Variants in FREM2 observed in about 807,000 individuals in gnomAD.
FREM2 encodes the protein FRAS1-related extracellular matrix protein 2.
FREM2 carries 119 observed loss-of-function variants against 219.9 expected under a neutral mutation model. The ratio of observed to expected loss-of-function variants is 0.54; its 90% CI spans 0.47 to 0.63. FREM2 has a LOEUF of 0.63. FREM2 is among the 30% of genes least tolerant of loss of function. The pLI is 0.00. For missense variants in FREM2, 4,030 were observed against 3,993.6 expected (o/e 1.01, Z -0.25); for synonymous variants, 1,562 against 1,522.8 (o/e 1.03, Z -0.60).
chr13:38,721,802 T>C (rs1264074548), intron 2 of FREM2, among the ~76,000 whole-genome samples: 7 of 152,206 alleles, frequency 4.6e-5, no homozygotes, highest in African/African-American at 1.7e-4. Flanking sequence ...CATTAACTCT[T>C]GATAGTACTA....
At position 38,718,177 on chromosome 13, in the gene FREM2, T is replaced by A. The variant is rs529007718; in HGVS notation, c.5263+20390T>A. On this transcript the variant is annotated intron_variant, in intron 2 of 23. Transcript: ENST00000280481. ...TAGATCAAAGAATATAGATCTACAGTTGTTTTTAATGATTGCTTTGTATTC... is the reference window on the plus strand; with the variant it reads ...TAGATCAAAGAATATAGATCTACAGATGTTTTTAATGATTGCTTTGTATTC... 2.6e-5 allele frequency among the ~76,000 whole-genome samples: 4 copies of A among 152,356 alleles called. No individual in the cohort carries two copies. In the East Asian group the frequency reaches 7.7e-4, roughly 29 times the overall value.
intron 6 of FREM2, among the ~76,000 whole-genome samples, chr13:38,829,186 T>G (rs1451712235): frequency 1.3e-5 from 2 of 152,068 alleles, no homozygotes; most frequent in African/African-American, 4.8e-5. Context: ...AGTGATTCAG[T>G]AAGGGGTAGA....
chr13:38,886,385 T>TAG lies in FREM2; in HGVS notation c.*5610_*5611dup, dbSNP rs5802960. ...ACATATATGTACATACATATATATA[T>TAG]AGAGAGAGAGAGATAGATTTTTTTT... On this transcript the variant is annotated 3_prime_UTR_variant, in exon 24 of 24. Coordinates refer to ENST00000280481, the MANE Select transcript of FREM2 (RefSeq NM_207361.6). The TAG allele has an allele frequency of 0.11, 15,902 of 149,982 alleles. 1,114 individuals carry two copies. Among genetic ancestry groups the TAG allele is most frequent in the East Asian group, 0.21 (1,077 of 5,078 alleles). The allele number at this position is 149,982 out of a possible 1,614,324, so 9.3% of individuals were successfully genotyped here.
In FREM2 at chr13:38,876,373, A is replaced by C. The variant is rs752197411; in HGVS notation, c.8535A>C (p.Arg2845=). 6.2e-7 allele frequency: 1 copy of C among 1,613,462 alleles called. No individual in the cohort carries two copies. Among genetic ancestry groups the C allele is most frequent in the East Asian group, 2.2e-5 (1 of 44,880 alleles). ...REPVTFDLDI[R]FQQVSDPVAA... ...CTGTCACCTTTGACCTTGACATCCG[A>C]TTCCAACAGGTGTGGCTTATAGAAT... The change falls in exon 20 of 24, where the codon CGA becomes CGC. Residue 2845 remains arginine, a synonymous_variant. Coordinates refer to ENST00000280481, the MANE Select transcript of FREM2 (RefSeq NM_207361.6).
In FREM2 at chr13:38,861,444, C is replaced by G. The variant is rs370338634; in HGVS notation, c.7533C>G (p.Pro2511=). The G allele has an allele frequency of 1.2e-6, 2 of 1,613,704 alleles. No individual in the cohort carries two copies. The highest frequency in any genetic ancestry group is 2.2e-5 in the South Asian group (2 of 91,056). Residue 2511 remains proline (P), a synonymous_variant, in exon 15 of 24, where the codon CCC becomes CCG. Coordinates refer to ENST00000280481, the MANE Select transcript of FREM2 (RefSeq NM_207361.6). ...TISREEGLCQ[P]RVPGVVGAEP... is the part of the protein sequence containing the mutation. ...TTTTTTTTCAAGGTCTTTGTCAGCC[C>G]CGTGTACCTGGGGTTGTTGGAGCAG...
chr13:38,687,720 C>T lies in FREM2; in HGVS notation c.376C>T (p.Arg126Cys), dbSNP rs1480479280. The T allele has an allele frequency of 1.3e-6, 2 of 1,554,480 alleles. No homozygotes were observed. Among genetic ancestry groups the T allele is most frequent in the Admixed American group, 1.8e-5 (1 of 54,372 alleles). ...AQRPGRLSPK[R>C]FPCDFGPGEV... ...GCGACCGGGCCGCCTGAGTCCCAAG[C>T]GCTTCCCGTGCGACTTTGGCCCTGG... is the stretch of plus-strand genomic sequence containing the variant. The change falls in exon 1 of 24, where the codon CGC (arginine) becomes TGC (cysteine). Residue 126 changes from arginine to cysteine, a missense_variant. By Grantham distance (180) the Arg-to-Cys change is radical. Around this residue, in one of 2 missense-constraint regions of FREM2, gnomAD observed 3,102 missense variants for 2,950.7 expected, o/e 1.05. Coordinates refer to ENST00000280481, the MANE Select transcript of FREM2 (RefSeq NM_207361.6).
intron 2 of FREM2, among the ~76,000 whole-genome samples, chr13:38,705,305 G>C (rs1477364567): frequency 1.3e-5 from 2 of 152,116 alleles, no homozygotes; most frequent in Non-Finnish European, 2.9e-5. Context: ...CATGATTCTG[G>C]GTTTTACAGC....
intron 6 of FREM2, among the ~76,000 whole-genome samples, chr13:38,808,147 CCT>C (rs1165604272): frequency 6.6e-6 from 1 of 151,926 alleles, no homozygotes; most frequent in Non-Finnish European, 1.5e-5. Flanking sequence ...CATGAAGGAA[CCT>C]CTGTTAGCTC....
chr13:38,828,345 T>G (rs971654224), intron 6 of FREM2, among the ~76,000 whole-genome samples: 3 of 152,044 alleles, frequency 2.0e-5, no homozygotes, highest in Non-Finnish European at 4.4e-5. Context: ...CTGAAAGTAC[T>G]CAATAAATAT....
In FREM2 at chr13:38,859,451, G is replaced by T; in HGVS notation, c.7380G>T (p.Thr2460=). Residue 2460 remains threonine, a synonymous_variant, in exon 14 of 24, where the codon ACG becomes ACT. Coordinates refer to ENST00000280481, the MANE Select transcript of FREM2 (RefSeq NM_207361.6). ...MREVDFDTFF[T]SSKMVTLDSI... is the part of the protein sequence containing the mutation. ...AAGTGGACTTCGACACCTTTTTTAC[G>T]TCATCCAAGATGGTCACACTGGACT... 1 of 1,614,038 alleles carries T rather than the reference G, an allele frequency of 6.2e-7. No individual in the cohort carries two copies. Among genetic ancestry groups the T allele is most frequent in the Non-Finnish European group, 8.5e-7 (1 of 1,180,018 alleles).
chr13:38,863,060 T>C (rs1877820700), intron 15 of FREM2, among the ~76,000 whole-genome samples: 1 of 152,142 alleles, frequency 6.6e-6, no homozygotes, highest in African/African-American at 2.4e-5. Flanking sequence ...TATAAAAATT[T>C]TTTTTTTGAG....
chr13:38,815,701 A>G (rs765005877), intron 6 of FREM2, among the ~76,000 whole-genome samples: 13 of 152,220 alleles, frequency 8.5e-5, no homozygotes, highest in Non-Finnish European at 1.8e-4. Flanking sequence ...TCAGTTTTTG[A>G]TGAGGGACTC....
Position 38,692,456 on chromosome 13 carries a change from T to G in FREM2, c.5112T>G (p.Pro1704=), listed in dbSNP as rs145894184. ...ISLRFIVTEA[P]QHGYLLNLDK... is the part of the protein sequence containing the mutation. The stretch of plus-strand genomic sequence containing the variant: ...TTAGATTTATCGTGACAGAGGCCCC[T>G]CAACATGGATATCTTCTCAACCTGG... The change falls in exon 1 of 24, where the codon CCT becomes CCG. Residue 1704 remains proline, a synonymous_variant. Coordinates refer to ENST00000280481, the MANE Select transcript of FREM2 (RefSeq NM_207361.6). The G allele has an allele frequency of 2.5e-5, 40 of 1,613,794 alleles. No homozygotes were observed. In the African/African-American group the frequency reaches 3.3e-4, roughly 13 times the overall value.
At chr13:38,706,106 C>G (rs923627666) in intron 2 of FREM2, among the ~76,000 whole-genome samples, 51 of 152,214 alleles carry the variant, frequency 3.4e-4, no homozygotes, top group African/African-American at 1.2e-3. Context: ...CACTGTATCT[C>G]TGAAGCTCAG....
In FREM2 at chr13:38,846,620, G is replaced by A. The variant is rs1448640349; in HGVS notation, c.6067G>A (p.Ala2023Thr). The A allele has an allele frequency of 4.3e-6, 7 of 1,613,680 alleles. No individual in the cohort carries two copies. The highest frequency in any genetic ancestry group is 1.7e-4 in the Middle Eastern group (1 of 6,042). ...GDVEYSVDES[A>T]GYVEVQVWRT... The stretch of plus-strand genomic sequence containing the variant: ...TGTGGAATACTCTGTGGATGAGAGT[G>A]CTGGCTATGTGGAAGTGCAGGTGTG... The change falls in exon 7 of 24, where the codon GCT becomes ACT. Residue 2023 changes from alanine to threonine, a missense_variant. Ala to Thr is a moderately conservative substitution (Grantham distance 58). Around this residue, in one of 2 missense-constraint regions of FREM2, gnomAD observed 3,102 missense variants for 2,950.7 expected, o/e 1.05. Transcript: ENST00000280481.
At chr13:38,760,429 G>A (rs1873182286) in intron 2 of FREM2, among the ~76,000 whole-genome samples, 1 of 152,158 alleles carries the variant, frequency 6.6e-6, no homozygotes, top group Non-Finnish European at 1.5e-5. Flanking sequence ...AGATATATAA[G>A]TAGAGATGAA....
intron 1 of FREM2, among the ~76,000 whole-genome samples, chr13:38,696,593 T>C (rs948851805): frequency 6.6e-6 from 1 of 152,194 alleles, no homozygotes; most frequent in Admixed American, 6.5e-5. Flanking sequence ...CAATTAATGA[T>C]CTATTATGAG....
chr13:38,763,583 G>C (rs1200699381), intron 2 of FREM2, among the ~76,000 whole-genome samples: 2 of 110,236 alleles, frequency 1.8e-5, no homozygotes, highest in South Asian at 3.0e-4. Flanking sequence ...AGAGGGATGC[G>C]TGCAGAGTGA....
Position 38,849,922 on chromosome 13 carries a change from G to T in FREM2, c.6380-116G>T. ...AAATATTGGCAAGTGACTGAATGGAGACAGAATCCAGTTCTTCTCACTTAC... is the reference window on the plus strand; with the variant it reads ...AAATATTGGCAAGTGACTGAATGGATACAGAATCCAGTTCTTCTCACTTAC... On this transcript the variant is annotated intron_variant, in intron 8 of 23. Transcript: ENST00000280481. 4 of 840,386 alleles carry T rather than the reference G, an allele frequency of 4.8e-6. No homozygotes were observed. The South Asian group carries it at 5.7e-5, about 12-fold the overall frequency. 52.1% of individuals were successfully genotyped at this position (840,386 alleles called of 1,614,324 possible). A position where few individuals can be genotyped will look rare whatever the true frequency, so the allele number is the denominator to read the frequency against.
Sources: gnomAD v4.1 joint callset for allele counts (sites outside exome capture counted in the v4.1 genomes callset) on GRCh38, gnomAD v4.1.1 for gene constraint, gnomAD v4.1.1 regional missense constraint, MANE v1.5 for transcripts, NCBI Gene and HGNC (gene_info 2026-07-23, HGNC 2026-07-21) for gene names.